MAD2L1: variants seen among roughly 807,000 people sequenced by gnomAD.
MAD2L1 encodes mitotic spindle assembly checkpoint protein MAD2A.
In MAD2L1, 10 loss-of-function variants were observed where a neutral mutation model predicts 25.9. That is an observed-to-expected ratio of 0.39 (90% CI 0.24 to 0.66). The LOEUF is 0.66. Ranked by LOEUF, MAD2L1 falls within the 30% of genes least tolerant of loss-of-function variation. MAD2L1 has a pLI of 0.49. For missense variants in MAD2L1, 180 were observed against 246.4 expected, an observed-to-expected ratio of 0.73 and a Z score of 1.80; for synonymous variants, 81 against 91.8, an observed-to-expected ratio of 0.88 and a Z score of 0.67.
chr4:120,056,048 A>C lies in MAD2L1; in HGVS notation c.*4070T>G, dbSNP rs1726103265. 1 of 152,252 alleles carries C rather than the reference A, an allele frequency of 6.6e-6. No individual in the cohort carries two copies. The highest frequency in any genetic ancestry group is 1.5e-5 in the Non-Finnish European group (1 of 68,042). The allele number at this position is 152,252 out of a possible 1,614,324, so 9.4% of individuals were successfully genotyped here. Reference sequence around the variant, plus strand: ...TGTAAAGGGTAAGAGGAAAAAGGTGACGAAACACTCCTTTTGATATGCTTG... The same window carrying C: ...TGTAAAGGGTAAGAGGAAAAAGGTGCCGAAACACTCCTTTTGATATGCTTG... On this transcript the variant is annotated 3_prime_UTR_variant, in exon 5 of 5. Coordinates refer to ENST00000296509, the MANE Select transcript of MAD2L1 (RefSeq NM_002358.4).
intron 1 of MAD2L1, 151 bp from the exon 2 acceptor site, chr4:120,065,969 A>C (rs1398492359): frequency 1.5e-6 from 1 of 656,426 alleles, no homozygotes; most frequent in Non-Finnish European, 2.4e-6. Flanking sequence ...AGTAGGTACA[A>C]AGTGGCATTA....
intron 2 of MAD2L1, among the ~76,000 whole-genome samples, chr4:120,064,277 G>A (rs1426629703): frequency 1.3e-5 from 2 of 152,132 alleles, no homozygotes; most frequent in Admixed American, 6.5e-5. Flanking sequence ...CCCAATTTTG[G>A]ATGCAACTCT....
chr4:120,060,590 C>G (rs1354318072), intron 4 of MAD2L1, among the ~76,000 whole-genome samples: 1 of 152,082 alleles, frequency 6.6e-6, no homozygotes, highest in Non-Finnish European at 1.5e-5. Context: ...ATTATTAACT[C>G]TTACTATGCT....
Position 120,057,074 on chromosome 4 carries a change from G to T in MAD2L1, c.*3044C>A, listed in dbSNP as rs1360983818. On this transcript the variant is annotated 3_prime_UTR_variant, in exon 5 of 5. Coordinates refer to ENST00000296509, the MANE Select transcript of MAD2L1 (RefSeq NM_002358.4). ...CAGGACTGGTAAGCTACAACCCTGG[G>T]GCCGAAGCAAACAGCCATGTTTTTT... 1 of 152,084 alleles carries T rather than the reference G, an allele frequency of 6.6e-6. No individual in the cohort carries two copies. Among genetic ancestry groups the T allele is most frequent in the East Asian group, 1.9e-4 (1 of 5,188 alleles). The allele number at this position is 152,084 out of a possible 1,614,324, so 9.4% of individuals were successfully genotyped here.
intron 2 of MAD2L1, among the ~76,000 whole-genome samples, chr4:120,063,775 G>T (rs1726264982): frequency 6.6e-6 from 1 of 152,174 alleles, no homozygotes; most frequent in Non-Finnish European, 1.5e-5. Context: ...ACTTTGGGAG[G>T]CAGAGGTGGG....
chr4:120,056,224 T>C lies in MAD2L1; in HGVS notation c.*3894A>G, dbSNP rs547358227. On this transcript the variant is annotated 3_prime_UTR_variant, in exon 5 of 5. Transcript: ENST00000296509. ...ACCACGACACAATTTGCATGCCCAT[T>C]GACCCCCAGTTTTACTTGTGCACAA... 1 of 152,204 alleles carries C rather than the reference T, an allele frequency of 6.6e-6. No homozygotes were observed. Among genetic ancestry groups the C allele is most frequent in the African/African-American group, 2.4e-5 (1 of 41,460 alleles). The allele number at this position is 152,204 out of a possible 1,614,324, so 9.4% of individuals were successfully genotyped here.
Position 120,061,986 on chromosome 4 carries a change from T to G in MAD2L1, c.330A>C (p.Ala110=). The change falls in exon 3 of 5, where the codon GCA becomes GCC. Residue 110 remains alanine (A), a synonymous_variant. Transcript: ENST00000296509. Reference sequence around the variant, plus strand: ...TAATTCCTATTTACCTGTCATCTTTTGCAGTCTTGTCACACTCAATATCAA... The same window carrying G: ...TAATTCCTATTTACCTGTCATCTTTGGCAGTCTTGTCACACTCAATATCAA... The part of the protein sequence containing the change: ...WQFDIECDKT[A]KDDSAPREKS... 6.2e-7 allele frequency: 1 copy of G among 1,604,990 alleles called. No homozygotes were observed. The highest frequency in any genetic ancestry group is 8.5e-7 in the Non-Finnish European group (1 of 1,177,068).
intron 2 of MAD2L1, among the ~76,000 whole-genome samples, chr4:120,064,252 G>A (rs1405646690): frequency 6.6e-6 from 1 of 152,140 alleles, no homozygotes; most frequent in African/African-American, 2.4e-5. Context: ...CACTATAGAT[G>A]ATTTATTCCT....
chr4:120,065,631 A>G, intron 2 of MAD2L1, 41 bp downstream of exon 2: 1 of 1,604,310 alleles, frequency 6.2e-7, no homozygotes. Context: ...AAGATGCTAG[A>G]AAATCTGCAA....
chr4:120,065,595 T>C (rs557918656), intron 2 of MAD2L1, 77 bp downstream of exon 2: 2 of 1,311,380 alleles, frequency 1.5e-6, no homozygotes, highest in East Asian at 4.6e-5. Context: ...TACACTTCTA[T>C]GTGCAGAGCG....
At chr4:120,064,461 A>G (rs946840504) in intron 2 of MAD2L1, among the ~76,000 whole-genome samples, 4 of 152,144 alleles carry the variant, frequency 2.6e-5, no homozygotes, top group African/African-American at 9.7e-5. Flanking sequence ...AATATAATAC[A>G]TGGAGGCATT....
intron 2 of MAD2L1, among the ~76,000 whole-genome samples, chr4:120,064,153 C>T (rs1225714856): frequency 1.3e-5 from 2 of 152,214 alleles, no homozygotes; most frequent in Non-Finnish European, 2.9e-5. Flanking sequence ...TTAGGCAATG[C>T]TTGCTTCTCC....
At chr4:120,065,358 T>C (rs1726297069) in intron 2 of MAD2L1, 1 of 217,988 alleles carries the variant, frequency 4.6e-6, no homozygotes, top group Non-Finnish European at 9.3e-6. Flanking sequence ...TCTCAGATAG[T>C]GAACACCATT....
intron 2 of MAD2L1, among the ~76,000 whole-genome samples, chr4:120,063,034 G>A (rs1209191240): frequency 1.3e-5 from 2 of 152,266 alleles, no homozygotes; most frequent in South Asian, 2.1e-4. Context: ...CTGGCTGGAC[G>A]GTTTAGTCAT....
rs779828049 is a variant in MAD2L1 at position 120,060,990 on chromosome 4, A to C, written c.342-13T>G. 4.0e-6 allele frequency: 6 copies of C among 1,482,376 alleles called. No homozygotes were observed. Among genetic ancestry groups the C allele is most frequent in the Admixed American group, 3.4e-5 (2 of 58,770 alleles). The allele number at this position is 1,482,376 out of a possible 1,614,324, so 91.8% of individuals were successfully genotyped here. ...TTCTCTGGGTGCACTGTCAAAAAAAAATCAAATCAATTAATTCATTTCAGG... is the reference window on the plus strand; with the variant it reads ...TTCTCTGGGTGCACTGTCAAAAAAACATCAAATCAATTAATTCATTTCAGG... On this transcript the variant is annotated splice_polypyrimidine_tract_variant and intron_variant, in intron 3 of 4. Transcript: ENST00000296509.
chr4:120,060,182 G>A lies in MAD2L1; in HGVS notation c.554C>T (p.Ser185Leu). The stretch of plus-strand genomic sequence containing the variant: ...TACTTTGTGGATTGTAGTAGTAAAT[G>A]AACGAAGGCGGACTTCCTCAGAATT... ...ITNSEEVRLR[S>L]FTTTIHKVNS... Residue 185 changes from serine to leucine, a missense_variant, in exon 5 of 5, where the codon TCA (serine) becomes TTA (leucine). By Grantham distance (145) the Ser-to-Leu change is moderately radical. Transcript: ENST00000296509. 1 of 1,612,418 alleles carries A rather than the reference G, an allele frequency of 6.2e-7. No homozygotes were observed. Among genetic ancestry groups the A allele is most frequent in the Non-Finnish European group, 8.5e-7 (1 of 1,179,504 alleles).
Position 120,058,512 on chromosome 4 carries a change from C to T in MAD2L1, c.*1606G>A, listed in dbSNP as rs1245013557. On this transcript the variant is annotated 3_prime_UTR_variant, in exon 5 of 5. Transcript: ENST00000296509. The stretch of plus-strand genomic sequence containing the variant: ...AGGTGTGGTGGCACGTGCCTGTAAT[C>T]CCAGCTACTCAGGAGGCTGAGACGG... The T allele has an allele frequency of 6.6e-6, 1 of 151,980 alleles. No homozygotes were observed. The highest frequency in any genetic ancestry group is 2.4e-5 in the African/African-American group (1 of 41,318). The allele number at this position is 151,980 out of a possible 1,614,324, so 9.4% of individuals were successfully genotyped here.
At chr4:120,066,342 TAA>T (rs200996570) in intron 1 of MAD2L1, among the ~76,000 whole-genome samples, 3 of 143,598 alleles carry the variant, frequency 2.1e-5, no homozygotes, top group Admixed American at 6.9e-5. Flanking sequence ...CTCTCGCAGT[TAA>T]AAAAAAAAAA....
At position 120,065,734 on chromosome 4, in the gene MAD2L1, A is replaced by C. The variant is rs1213952170; in HGVS notation, c.158T>G (p.Leu53Trp). The stretch of plus-strand genomic sequence containing the variant: ...GAGCTCAAGATCAGTAGTTACAAGC[A>C]AGGTGAGTCCGTATTTCTGCACTCG... ...FTRVQKYGLT[L>W]LVTTDLELIK... Residue 53 changes from leucine to tryptophan, a missense_variant, in exon 2 of 5, where the codon TTG becomes TGG. Physicochemically the swap from Leu to Trp is moderately conservative, Grantham distance 61 (BLOSUM62 -2). Transcript: ENST00000296509. 2 of 1,613,892 alleles carry C rather than the reference A, an allele frequency of 1.2e-6. No homozygotes were observed. Among genetic ancestry groups the C allele is most frequent in the Non-Finnish European group, 1.7e-6 (2 of 1,179,806 alleles).
Sources: allele counts gnomAD v4.1 joint callset (sites outside exome capture counted in the v4.1 genomes callset), GRCh38; gene constraint gnomAD v4.1.1; transcripts MANE v1.5; gene names NCBI Gene and HGNC (gene_info 2026-07-23, HGNC 2026-07-21).